The following SHANK2 variants were observed in gnomAD, a reference collection of about 807,000 sequenced individuals.
SHANK2 encodes SH3 and multiple ankyrin repeat domains 2, also known as SH3 and multiple ankyrin repeat domains protein 2.
SHANK2 carries 43 observed loss-of-function variants against 133.7 expected under a neutral mutation model. The ratio of observed to expected loss-of-function variants is 0.32; its 90% CI spans 0.25 to 0.41. The LOEUF (loss-of-function observed/expected upper bound fraction) is 0.41, where lower values mean the gene tolerates loss of function less well. Among genes scored for constraint, SHANK2 ranks in the 10% least tolerant of loss-of-function variants. The pLI is 1.00. For synonymous variants in SHANK2, 1,017 were observed against 952.8 expected (o/e 1.07, Z -1.24); for missense variants, 1,994 against 2,235.8 (o/e 0.89, Z 2.18).
intron 3 of SHANK2, among the ~76,000 whole-genome samples, chr11:71,142,055 C>G (rs1555105923): frequency 6.6e-6 from 1 of 151,348 alleles, no homozygotes; most frequent in African/African-American, 2.4e-5. Flanking sequence ...GACAGAAAAC[C>G]TACCAAACAA....
At chr11:70,648,091 C>T (rs1555009062) in intron 17 of SHANK2, among the ~76,000 whole-genome samples, 3 of 152,214 alleles carry the variant, frequency 2.0e-5, no homozygotes, top group African/African-American at 4.8e-5. Flanking sequence ...GAAGGTAGTA[C>T]GGACACATGC....
intron 25 of SHANK2, among the ~76,000 whole-genome samples, chr11:70,477,004 A>T (rs564494241): frequency 6.6e-6 from 1 of 152,248 alleles, no homozygotes; most frequent in East Asian, 1.9e-4. Context: ...GTTGGGATTG[A>T]TTTTGGTTTT....
intron 14 of SHANK2, among the ~76,000 whole-genome samples, chr11:70,797,868 C>CAT: frequency 6.6e-6 from 1 of 151,876 alleles, no homozygotes; most frequent in East Asian, 1.9e-4. Flanking sequence ...CACACACACA[C>CAT]ACTCGGTACC....
At chr11:70,851,128 G>C (rs1949080995) in intron 11 of SHANK2, among the ~76,000 whole-genome samples, 1 of 152,112 alleles carries the variant, frequency 6.6e-6, no homozygotes, top group South Asian at 2.1e-4. Flanking sequence ...CTACTCTCTG[G>C]ACTTTCCACT....
intron 14 of SHANK2, among the ~76,000 whole-genome samples, chr11:70,701,337 T>A (rs538921778): frequency 6.6e-6 from 1 of 152,282 alleles, no homozygotes; most frequent in South Asian, 2.1e-4. Context: ...AAGTTTTACA[T>A]TTGGCTCAGT....
At chr11:70,805,188 G>T (rs979001592) in intron 13 of SHANK2, among the ~76,000 whole-genome samples, 5 of 152,096 alleles carry the variant, frequency 3.3e-5, no homozygotes, top group Admixed American at 6.5e-5. Flanking sequence ...TTCTCCTTGG[G>T]CATCAGTGAG....
chr11:70,782,995 G>A (rs1023319830), intron 14 of SHANK2, among the ~76,000 whole-genome samples: 20 of 152,242 alleles, frequency 1.3e-4, no homozygotes, highest in Non-Finnish European at 2.2e-4. Context: ...GATAAGTCAC[G>A]AAGCTGGGGT....
At chr11:71,103,777 T>C (rs1951757585) in intron 6 of SHANK2, among the ~76,000 whole-genome samples, 1 of 151,866 alleles carries the variant, frequency 6.6e-6, no homozygotes, top group African/African-American at 2.4e-5. Context: ...TCCTGACAAT[T>C]GTGAGTGAAT....
chr11:71,171,342 G>C (rs7930503), intron 2 of SHANK2, among the ~76,000 whole-genome samples: 1 of 152,012 alleles, frequency 6.6e-6, no homozygotes, highest in African/African-American at 2.4e-5. Flanking sequence ...AACCAGAGAA[G>C]GTGATGGCGT....
intron 2 of SHANK2, among the ~76,000 whole-genome samples, chr11:71,200,347 GT>G (rs1953993572): frequency 6.6e-6 from 1 of 152,188 alleles, no homozygotes; most frequent in Non-Finnish European, 1.5e-5. Context: ...ACACCACACT[GT>G]TTATTTATTA....
In SHANK2 at chr11:71,105,570, T is replaced by TGACAGA. The variant is rs1555097660; in HGVS notation, c.592+4365_592+4370dup. Among the ~76,000 whole-genome samples, 26 of 121,744 alleles carry TGACAGA rather than the reference T, an allele frequency of 2.1e-4. No homozygotes were observed. In the East Asian group the frequency reaches 5.8e-3, roughly 27 times the overall value. The allele number at this position is 121,744 out of a possible 152,430, so 79.9% of individuals were successfully genotyped here. ...TCACGCCACTGCACTCCAGCCTGGG[T>TGACAGA]GACAGAGAGAGACTCAGTCTAAAAA... On this transcript the variant is annotated intron_variant, in intron 6 of 25. Transcript: ENST00000601538.
In SHANK2 at chr11:70,473,201, C is replaced by T. The variant is rs143947098; in HGVS notation, c.5218G>A (p.Val1740Ile). ...TASPSPALSD[V>I]FSLPSQPPSG... ...GGGGGCTGGCTTGGAAGGCTAAAGA[C>T]ATCTGAGAGAGCGGGAGAAGGAGAG... The change falls in exon 26 of 26, where the codon GTC (valine) becomes ATC (isoleucine). Residue 1740 changes from valine (V) to isoleucine (I), a missense_variant. Physicochemically the swap from Val to Ile is conservative, Grantham distance 29 (BLOSUM62 3). This residue lies in a region of SHANK2 where 797 missense variants were observed against 907.4 expected (regional missense o/e 0.88). Coordinates refer to ENST00000601538, the MANE Select transcript of SHANK2 (RefSeq NM_012309.5). This position sits in a 1 kb window ranked among gnomAD's most constrained non-coding sequence, Gnocchi z 5.9. The T allele has an allele frequency of 4.3e-6, 7 of 1,611,830 alleles. No individual in the cohort carries two copies. Among genetic ancestry groups the T allele is most frequent in the Non-Finnish European group, 5.9e-6 (7 of 1,178,064 alleles).
intron 17 of SHANK2, among the ~76,000 whole-genome samples, chr11:70,503,680 C>G (rs2059094407): frequency 6.6e-6 from 1 of 152,234 alleles, no homozygotes; most frequent in East Asian, 1.9e-4. Context: ...TATTTGTCCT[C>G]ACCATGGCAA....
intron 14 of SHANK2, among the ~76,000 whole-genome samples, chr11:70,791,848 T>G (rs1456084393): frequency 2.0e-5 from 3 of 152,206 alleles, no homozygotes; most frequent in African/African-American, 7.2e-5. Context: ...GAGATGGGGA[T>G]GCTCATGTGT....
At chr11:70,552,487 C>T (rs75414016) in intron 17 of SHANK2, among the ~76,000 whole-genome samples, 3,573 of 152,328 alleles carry the variant, frequency 0.023, 78 homozygotes, top group East Asian at 0.1. Context: ...ATCCCAACAG[C>T]AAGCGATTAA....
chr11:71,083,986 G>T (rs895144385), intron 8 of SHANK2, among the ~76,000 whole-genome samples: 28 of 149,294 alleles, frequency 1.9e-4, no homozygotes, highest in African/African-American at 6.1e-4. Flanking sequence ...TTTTGGGGGG[G>T]GGAGACAGAG....
In SHANK2 at chr11:70,807,992, G is replaced by A. The variant is rs575513095; in HGVS notation, c.1494-821C>T. ...CATGGACACAGAAAGTAGAATGGCG[G>A]GTGCCGGGGGCTGGTGGAGAGAATG... On this transcript the variant is annotated intron_variant, in intron 12 of 25. Transcript: ENST00000601538. The surrounding 1 kb of genome is among the most constrained non-coding windows in gnomAD (Gnocchi z 4.8). 2.0e-5 allele frequency among the ~76,000 whole-genome samples: 3 copies of A among 152,240 alleles called. No individual in the cohort carries two copies. The highest frequency in any genetic ancestry group is 7.2e-5 in the African/African-American group (3 of 41,544).
chr11:70,920,135 GATAGTGC>G (rs1208487453), intron 10 of SHANK2, among the ~76,000 whole-genome samples: 1 of 152,202 alleles, frequency 6.6e-6, no homozygotes, highest in African/African-American at 2.4e-5. Context: ...ATTAAAGTGA[GATAGTGC>G]ATACAGCATA....
At chr11:70,834,969 A>G (rs1948789535) in intron 11 of SHANK2, among the ~76,000 whole-genome samples, 1 of 152,122 alleles carries the variant, frequency 6.6e-6, no homozygotes, top group South Asian at 2.1e-4. Context: ...ATTGAGCTTT[A>G]GGGCCAAGAA....
Sources: allele counts gnomAD v4.1 joint callset (sites outside exome capture counted in the v4.1 genomes callset), GRCh38; gene constraint gnomAD v4.1.1; regional missense constraint gnomAD v4.1.1; non-coding constraint Gnocchi (gnomAD v3.1); transcripts MANE v1.5; gene names NCBI Gene and HGNC (gene_info 2026-07-23, HGNC 2026-07-21).